Variants in TTC7A observed in about 807,000 individuals in gnomAD.
The protein encoded by TTC7A is tetratricopeptide repeat domain 7A.
A neutral mutation model predicts 103.7 loss-of-function variants in TTC7A; 110 were observed. The ratio of observed to expected loss-of-function variants is 1.06; its 90% CI spans 0.91 to 1.24. TTC7A has a LOEUF of 1.24. Ranked by LOEUF, TTC7A falls within the 50% of genes most tolerant of loss-of-function variation. The probability of loss-of-function intolerance (pLI) is 0.00; values close to 1 mark genes in which losing one functional copy is unlikely to be tolerated. For missense variants in TTC7A, 1,340 were observed against 1,116.3 expected, an observed-to-expected ratio of 1.20 and a Z score of -2.86; for synonymous variants, 521 against 467.9, an observed-to-expected ratio of 1.11 and a Z score of -1.47.
Position 47,069,337 on chromosome 2 carries a change from G to A in TTC7A, c.2356-4365G>A, listed in dbSNP as rs1383119206. The stretch of plus-strand genomic sequence containing the variant: ...TGAAAACAGACAACCCTTAGCCCCA[G>A]CTGAAGAGGCCTACTGGTGTTCTTC... On this transcript the variant is annotated intron_variant, in intron 19 of 19. Coordinates refer to ENST00000319190, the MANE Select transcript of TTC7A (RefSeq NM_020458.4). Among the ~76,000 whole-genome samples, 2 of 152,212 alleles carry A rather than the reference G, an allele frequency of 1.3e-5. 1 individual carries two copies. Among genetic ancestry groups the A allele is most frequent in the Non-Finnish European group, 2.9e-5 (2 of 68,034 alleles).
At chr2:46,928,478 A>C (rs933195631) in intron 2 of TTC7A, among the ~76,000 whole-genome samples, 2 of 151,316 alleles carry the variant, frequency 1.3e-5, no homozygotes, top group African/African-American at 2.4e-5. Flanking sequence ...AAAAAAAAAA[A>C]AAAAAAACTT....
rs2304291 is a variant in TTC7A, at chr2:47,023,544, C to T, written c.1568+79C>T. The T allele has an allele frequency of 1.8e-3, 2,548 of 1,412,256 alleles. 39 individuals are homozygous for T. In the East Asian group the frequency reaches 0.034, roughly 19 times the overall value. 87.5% of individuals were successfully genotyped at this position (1,412,256 alleles called of 1,614,324 possible). On this transcript the variant is annotated intron_variant, in intron 13 of 19. Coordinates refer to ENST00000319190, the MANE Select transcript of TTC7A (RefSeq NM_020458.4). The stretch of plus-strand genomic sequence containing the variant: ...CACAAGCTTTACGTCATCAGACCCT[C>T]TGATGTGGGCAGAACAAACATTTCT...
chr2:47,050,023 C>T lies in TTC7A; in HGVS notation c.1994C>T (p.Pro665Leu). Reference sequence around the variant, plus strand: ...CAGAGTGGCATGCACCTGACTTTGCCTGATGCCCATGATGCAGACTCTGGT... The same window carrying T: ...CAGAGTGGCATGCACCTGACTTTGCTTGATGCCCATGATGCAGACTCTGGT... ...KKQSGMHLTL[P>L]DAHDADSGSR... The change falls in exon 17 of 20, where the codon CCT (proline) becomes CTT (leucine). Residue 665 changes from proline to leucine, a missense_variant. By Grantham distance (98) the Pro-to-Leu change is moderately conservative. Coordinates refer to ENST00000319190, the MANE Select transcript of TTC7A (RefSeq NM_020458.4). The T allele has an allele frequency of 6.2e-7, 1 of 1,614,136 alleles. No homozygotes were observed. Among genetic ancestry groups the T allele is most frequent in the Non-Finnish European group, 8.5e-7 (1 of 1,179,986 alleles).
chr2:46,957,102 C>A, intron 3 of TTC7A, 95 bp downstream of exon 3: 1 of 1,512,932 alleles, frequency 6.6e-7, no homozygotes, highest in Non-Finnish European at 9.1e-7. Flanking sequence ...CCAGATTCTT[C>A]ACCCCTGGTA....
At position 47,007,657 on chromosome 2, in the gene TTC7A, C is replaced by T. The variant is rs112980826; in HGVS notation, c.1287+933C>T. 6.6e-6 allele frequency among the ~76,000 whole-genome samples: 1 copy of T among 152,226 alleles called. No individual in the cohort carries two copies. Among genetic ancestry groups the T allele is most frequent in the Admixed American group, 6.5e-5 (1 of 15,310 alleles). ...GGGCGTGCCAGCCAGCTCGGGGCCT[C>T]GGCAGCCGAGGCAGGCCAGGCCCTG... On this transcript the variant is annotated intron_variant, in intron 10 of 19. Coordinates refer to ENST00000319190, the MANE Select transcript of TTC7A (RefSeq NM_020458.4). This position sits in a 1 kb window ranked among gnomAD's most constrained non-coding sequence, Gnocchi z 4.9.
At chr2:47,036,082 A>G (rs986727849) in intron 15 of TTC7A, among the ~76,000 whole-genome samples, 2 of 152,204 alleles carry the variant, frequency 1.3e-5, no homozygotes, top group African/African-American at 4.8e-5. Flanking sequence ...AAGATCAGGA[A>G]TTTGTGTTTG....
chr2:47,046,712 T>G, intron 16 of TTC7A: 1 of 436,826 alleles, frequency 2.3e-6, no homozygotes, highest in Non-Finnish European at 4.1e-6. Context: ...GTGCTGGGCT[T>G]GTTCCTTTAT....
intron 15 of TTC7A, among the ~76,000 whole-genome samples, chr2:47,043,747 C>G (rs1282633248): frequency 6.6e-6 from 1 of 152,110 alleles, no homozygotes; most frequent in Non-Finnish European, 1.5e-5. Context: ...TTGCCCCAGC[C>G]CAGAAAGGAT....
intron 15 of TTC7A, among the ~76,000 whole-genome samples, chr2:47,033,913 G>T (rs969247101): frequency 6.6e-6 from 1 of 152,198 alleles, no homozygotes; most frequent in Non-Finnish European, 1.5e-5. Flanking sequence ...GGAAAGGTTA[G>T]TGAGCTCCTT....
chr2:46,944,251 A>G (rs148699638), intron 1 of TTC7A, among the ~76,000 whole-genome samples: 67 of 152,218 alleles, frequency 4.4e-4, no homozygotes, highest in Non-Finnish European at 7.4e-4. Flanking sequence ...AGTCCCTTGT[A>G]TCCATCAACC....
At chr2:47,073,666 C>T in intron 19 of TTC7A, 36 bp from the exon 20 acceptor site, 4 of 1,592,190 alleles carry the variant, frequency 2.5e-6, no homozygotes, top group Non-Finnish European at 2.6e-6. Flanking sequence ...TGCCATGGGA[C>T]ACCCCTACTC....
upstream of TTC7A, among the ~76,000 whole-genome samples, chr2:46,940,983 A>G (rs1433079010): frequency 6.6e-6 from 1 of 151,854 alleles, no homozygotes; most frequent in Non-Finnish European, 1.5e-5. The surrounding 1 kb of genome is among the most constrained non-coding windows in gnomAD (Gnocchi z 4.7). Context: ...GCGGGAAGCG[A>G]GGCGCCCCCG....
intron 1 of TTC7A, among the ~76,000 whole-genome samples, chr2:46,948,861 C>G (rs968758481): frequency 2.0e-5 from 3 of 152,204 alleles, no homozygotes; most frequent in Non-Finnish European, 4.4e-5. Flanking sequence ...GAACACTGTA[C>G]TGGTAGCAAA....
At chr2:47,029,533 G>A (rs1680294407) in intron 15 of TTC7A, 149 bp downstream of exon 15, 1 of 921,694 alleles carries the variant, frequency 1.1e-6, no homozygotes, top group South Asian at 1.6e-5. Flanking sequence ...AGACAGGGGT[G>A]AGGACAGGTG....
At position 47,029,205 on chromosome 2, in the gene TTC7A, T is replaced by A. The variant is rs1302982716; in HGVS notation, c.1642-19T>A. ...AGCATGTGCCTGGGGAAGGCTAACC[T>A]GGCGGGTTCCTTCAACAGATCTCCA... On this transcript the variant is annotated intron_variant, in intron 14 of 19. Transcript: ENST00000319190. The A allele has an allele frequency of 6.2e-7, 1 of 1,612,758 alleles. No individual in the cohort carries two copies. The highest frequency in any genetic ancestry group is 1.7e-5 in the Admixed American group (1 of 60,000).
chr2:46,982,365 C>T (rs536886453), intron 5 of TTC7A, among the ~76,000 whole-genome samples: 15 of 151,682 alleles, frequency 9.9e-5, no homozygotes, highest in African/African-American at 3.6e-4. Flanking sequence ...CAGAGTGAGA[C>T]CCTCTGTCAA....
intron 18 of TTC7A, among the ~76,000 whole-genome samples, chr2:47,057,435 A>G (rs561695486): frequency 1.3e-5 from 2 of 152,286 alleles, no homozygotes; most frequent in South Asian, 4.1e-4. Flanking sequence ...CCCCGAGGCA[A>G]GAGGGATTGG....
intron 1 of TTC7A, among the ~76,000 whole-genome samples, chr2:46,943,773 AGTCAGT>A (rs769710417): frequency 2.6e-5 from 4 of 152,158 alleles, no homozygotes; most frequent in Non-Finnish European, 5.9e-5. Flanking sequence ...GACTCTTACA[AGTCAGT>A]GATCTGAAGC....
At chr2:46,994,664 G>A (rs1675980232) in intron 7 of TTC7A, 150 bp downstream of exon 7, 1 of 783,770 alleles carries the variant, frequency 1.3e-6, no homozygotes, top group South Asian at 1.7e-5. Context: ...GCAGGAGCCA[G>A]ATGAACTAGA....
Sources: gnomAD v4.1 joint callset for allele counts (sites outside exome capture counted in the v4.1 genomes callset) on GRCh38, gnomAD v4.1.1 for gene constraint, Gnocchi (gnomAD v3.1) non-coding constraint, MANE v1.5 for transcripts, NCBI Gene and HGNC (gene_info 2026-07-23, HGNC 2026-07-21) for gene names.